The following WDR89 variants were observed in gnomAD, a reference collection of about 807,000 sequenced individuals.
WDR89 encodes the protein WD repeat domain 89.
WDR89 carries 17 observed loss-of-function variants against 29.1 expected under a neutral mutation model. The ratio of observed to expected loss-of-function variants is 0.58; its 90% CI spans 0.40 to 0.88. WDR89 has a LOEUF of 0.88. WDR89 is among the 40% of genes least tolerant of loss of function. The pLI is 0.00. For synonymous variants in WDR89, 138 were observed against 157.8 expected, an observed-to-expected ratio of 0.87 and a Z score of 0.94; for missense variants, 396 against 456.3, an observed-to-expected ratio of 0.87 and a Z score of 1.20.
chr14:63,605,222 A>G (rs1174148568), intron 2 of WDR89, among the ~76,000 whole-genome samples: 14 of 144,878 alleles, frequency 9.7e-5, no homozygotes, highest in Non-Finnish European at 2.2e-4. Context: ...ACACACACAC[A>G]CACACACACA....
chr14:63,620,420 C>A (rs1388502821), intron 2 of WDR89, among the ~76,000 whole-genome samples: 1 of 151,972 alleles, frequency 6.6e-6, no homozygotes, highest in Non-Finnish European at 1.5e-5. Flanking sequence ...AACAGTCAAA[C>A]CCATGGAAGC....
chr14:63,611,359 A>AG (rs1338866629), intron 2 of WDR89, among the ~76,000 whole-genome samples: 2,994 of 139,362 alleles, frequency 0.021, 183 homozygotes, highest in African/African-American at 0.081. Context: ...AAAAAAAAAA[A>AG]GCTTTAAGAT....
intron 1 of WDR89, among the ~76,000 whole-genome samples, chr14:63,630,112 T>C (rs1236966040): frequency 1.3e-5 from 2 of 151,980 alleles, no homozygotes; most frequent in Non-Finnish European, 2.9e-5. Context: ...CATGCCCGGC[T>C]AATTTTTGTA....
chr14:63,600,494 C>G (rs1190862411), intron 2 of WDR89, among the ~76,000 whole-genome samples: 1 of 147,996 alleles, frequency 6.8e-6, no homozygotes, highest in Non-Finnish European at 1.5e-5. Flanking sequence ...GATCCTGCCT[C>G]AAAAAAGAAA....
chr14:63,618,150 GGTGTGT>G (rs144657808), intron 2 of WDR89: 1 of 151,652 alleles, frequency 6.6e-6, no homozygotes, highest in African/African-American at 2.4e-5. Context: ...TTTTTAGAGG[GGTGTGT>G]GTGTGTGTTA....
intron 2 of WDR89, among the ~76,000 whole-genome samples, chr14:63,613,821 CTTT>C (rs751893850): frequency 3.7e-4 from 45 of 121,024 alleles, no homozygotes; most frequent in African/African-American, 7.2e-4. Flanking sequence ...TTTTAAACAT[CTTT>C]TTTTTTTTTT....
chr14:63,617,370 T>A (rs1482279769), intron 2 of WDR89, among the ~76,000 whole-genome samples: 1 of 152,166 alleles, frequency 6.6e-6, no homozygotes, highest in East Asian at 1.9e-4. Flanking sequence ...AATGCGCCAC[T>A]GTGCCTGGCC....
At chr14:63,623,329 GA>G (rs1882826413) in intron 2 of WDR89, among the ~76,000 whole-genome samples, 1 of 149,584 alleles carries the variant, frequency 6.7e-6, no homozygotes, top group Admixed American at 6.7e-5. Flanking sequence ...CAATCAAAAA[GA>G]AAAAGATGAA....
At chr14:63,611,268 C>T (rs1248384119) in intron 2 of WDR89, among the ~76,000 whole-genome samples, 1 of 129,154 alleles carries the variant, frequency 7.7e-6, no homozygotes, top group East Asian at 2.6e-4. Flanking sequence ...ACCCAGGAGG[C>T]GGAGGTTGCG....
chr14:63,619,299 C>T (rs1228047853), intron 2 of WDR89, among the ~76,000 whole-genome samples: 5 of 152,174 alleles, frequency 3.3e-5, no homozygotes. Flanking sequence ...AACACCAAAA[C>T]CCAAACCAGG....
chr14:63,626,541 G>C (rs975063264), intron 1 of WDR89, among the ~76,000 whole-genome samples: 1 of 151,458 alleles, frequency 6.6e-6, no homozygotes, highest in Non-Finnish European at 1.5e-5. Flanking sequence ...GCTAGGTGTG[G>C]TGGTGCACGC....
At chr14:63,608,711 A>C (rs1274941615) in intron 2 of WDR89, among the ~76,000 whole-genome samples, 2 of 150,308 alleles carry the variant, frequency 1.3e-5, no homozygotes, top group East Asian at 1.9e-4. Context: ...TAGGTTTAAG[A>C]AGCAAAACCC....
intron 1 of WDR89, among the ~76,000 whole-genome samples, chr14:63,629,173 C>T (rs566607615): frequency 1.3e-5 from 2 of 152,290 alleles, no homozygotes; most frequent in East Asian, 3.9e-4. Context: ...GCTAGAGGGA[C>T]AGTGATAACT....
At chr14:63,637,016 C>G (rs546316140) in intron 1 of WDR89, among the ~76,000 whole-genome samples, 1 of 152,072 alleles carries the variant, frequency 6.6e-6, no homozygotes, top group Non-Finnish European at 1.5e-5. Flanking sequence ...ATCTATACAT[C>G]TGACAAAGGA....
At chr14:63,638,828 C>CATA (rs1883911911) in intron 1 of WDR89, among the ~76,000 whole-genome samples, 2 of 152,284 alleles carry the variant, frequency 1.3e-5, no homozygotes, top group South Asian at 2.1e-4. Context: ...CTTCTTTATA[C>CATA]CTTCCTGTGG....
At chr14:63,639,755 A>G (rs1317402360) in intron 1 of WDR89, among the ~76,000 whole-genome samples, 1 of 152,244 alleles carries the variant, frequency 6.6e-6, no homozygotes, top group Non-Finnish European at 1.5e-5. Flanking sequence ...TAGCATCTTC[A>G]GTCGTATTTG....
At chr14:63,623,386 A>T (rs970192322) in intron 2 of WDR89, among the ~76,000 whole-genome samples, 1 of 151,774 alleles carries the variant, frequency 6.6e-6, no homozygotes, top group Non-Finnish European at 1.5e-5. Flanking sequence ...TATAAAAACA[A>T]CTGGTAAGAA....
intron 2 of WDR89, among the ~76,000 whole-genome samples, chr14:63,611,403 C>T (rs900803232): frequency 7.0e-6 from 1 of 143,320 alleles, no homozygotes; most frequent in Non-Finnish European, 1.5e-5. Context: ...CAAATCATCA[C>T]AGATTGGGGG....
intron 2 of WDR89, among the ~76,000 whole-genome samples, chr14:63,619,743 G>C (rs964489395): frequency 6.6e-6 from 1 of 152,094 alleles, no homozygotes; most frequent in East Asian, 1.9e-4. Context: ...CGTGGCTTAC[G>C]GCTGTATTCC....
Sources: gnomAD v4.1 joint callset for allele counts (sites outside exome capture counted in the v4.1 genomes callset) on GRCh38, gnomAD v4.1.1 for gene constraint, MANE v1.5 for transcripts, NCBI Gene and HGNC (gene_info 2026-07-23, HGNC 2026-07-21) for gene names.